The following C1orf159 variants were observed in gnomAD, a reference collection of about 807,000 sequenced individuals.
C1orf159 encodes chromosome 1 open reading frame 159, also known as uncharacterized protein C1orf159.
C1orf159 carries 19 observed loss-of-function variants against 25.6 expected under a neutral mutation model. The observed-to-expected ratio is 0.74, with a 90% CI of 0.52 to 1.09. The LOEUF (loss-of-function observed/expected upper bound fraction) is 1.09, where lower values mean the gene tolerates loss of function less well. Ranked by LOEUF, C1orf159 falls within the 50% of genes least tolerant of loss-of-function variation. The pLI is 0.00. For synonymous variants in C1orf159, 139 were observed against 124.7 expected, an observed-to-expected ratio of 1.12 and a Z score of -0.77; for missense variants, 274 against 290.6, an observed-to-expected ratio of 0.94 and a Z score of 0.42.
intron 1 of C1orf159, among the ~76,000 whole-genome samples, chr1:1,100,433 C>T (rs1224853553): frequency 6.6e-6 from 1 of 152,072 alleles, no homozygotes; most frequent in Non-Finnish European, 1.5e-5. Context: ...CCGCTGTGCC[C>T]ACCCAGGCAC....
intron 1 of C1orf159, among the ~76,000 whole-genome samples, chr1:1,111,711 G>A (rs1353153338): frequency 6.6e-6 from 1 of 152,226 alleles, no homozygotes; most frequent in Non-Finnish European, 1.5e-5. Flanking sequence ...AACTGAAAAG[G>A]GGAGGCGGGA....
intron 9 of C1orf159, chr1:1,083,837 C>G: frequency 7.4e-7 from 1 of 1,350,150 alleles, no homozygotes; most frequent in East Asian, 2.5e-5. Context: ...GAGCCCTGCT[C>G]ATGGCCTTGG....
rs372568420 is a variant in C1orf159, at chr1:1,085,854, G to A, written c.445+24C>T. On this transcript the variant is annotated intron_variant, in intron 7 of 9. Coordinates refer to ENST00000421241, the MANE Select transcript of C1orf159 (RefSeq NM_017891.5). ...CCGCCTGCCCTGTGCCCTCCCGTGGGGCAGGTGCTGGTCCGGGAGATACCT... is the reference window on the plus strand; with the variant it reads ...CCGCCTGCCCTGTGCCCTCCCGTGGAGCAGGTGCTGGTCCGGGAGATACCT... 11 of 1,612,168 alleles carry A rather than the reference G, an allele frequency of 6.8e-6. No homozygotes were observed. The East Asian group carries it at 1.6e-4, about 23-fold the overall frequency.
intron 1 of C1orf159, chr1:1,092,865 TG>T (rs1376597900): frequency 6.6e-6 from 1 of 152,248 alleles, no homozygotes; most frequent in Non-Finnish European, 1.5e-5. Flanking sequence ...GAGACCCACC[TG>T]GGCAACACAG....
intron 1 of C1orf159, among the ~76,000 whole-genome samples, chr1:1,103,808 C>T (rs905166750): frequency 4.6e-5 from 7 of 152,120 alleles, no homozygotes; most frequent in African/African-American, 7.2e-5. Flanking sequence ...CCTCTCACCC[C>T]GGCCTCCTGA....
intron 3 of C1orf159, 76 bp from the exon 4 acceptor site, chr1:1,090,504 G>A (rs552533735): frequency 1.5e-5 from 21 of 1,420,146 alleles, no homozygotes; most frequent in Middle Eastern, 1.8e-4. Flanking sequence ...AGCGGCTGAG[G>A]GGTGCCGTGG....
At chr1:1,084,457 G>T in intron 8 of C1orf159, 24 bp downstream of exon 8, 2 of 1,570,940 alleles carry the variant, frequency 1.3e-6, no homozygotes, top group Non-Finnish European at 1.7e-6. Context: ...GGGACGCTCA[G>T]CCCGGATGAT....
At chr1:1,101,562 T>G (rs1450629293) in intron 1 of C1orf159, among the ~76,000 whole-genome samples, 1 of 152,160 alleles carries the variant, frequency 6.6e-6, no homozygotes, top group East Asian at 1.9e-4. Flanking sequence ...GCTCATGGTC[T>G]ATCGGCTCAG....
Position 1,108,454 on chromosome 1 carries a change from G to A in C1orf159, c.-136+7606C>T, listed in dbSNP as rs1370347571. Among the ~76,000 whole-genome samples, 5 of 91,782 alleles carry A rather than the reference G, an allele frequency of 5.4e-5. 1 individual carries two copies. The highest frequency in any genetic ancestry group is 3.7e-4 in the East Asian group (1 of 2,682). 60.2% of individuals were successfully genotyped at this position (91,782 alleles called of 152,430 possible). ...ACCACAGCCACCATGTCTCGACACC[G>A]TTCACCACAGCCACCATGTCTCAGC... On this transcript the variant is annotated intron_variant, in intron 1 of 9. Transcript: ENST00000421241.
Position 1,089,838 on chromosome 1 carries a change from C to T in C1orf159, c.148+515G>A, listed in dbSNP as rs1352272988. Among the ~76,000 whole-genome samples, 1 of 152,202 alleles carries T rather than the reference C, an allele frequency of 6.6e-6. No homozygotes were observed. Among genetic ancestry groups the T allele is most frequent in the Non-Finnish European group, 1.5e-5 (1 of 68,028 alleles). On this transcript the variant is annotated intron_variant, in intron 4 of 9. Coordinates refer to ENST00000421241, the MANE Select transcript of C1orf159 (RefSeq NM_017891.5). The surrounding 1 kb of genome is among the most constrained non-coding windows in gnomAD (Gnocchi z 7.5). ...TCAACCTCCTGACACCCAGCTGCCC[C>T]CAGACAGTCCCTTCCGCAGCCTCCC...
chr1:1,107,413 C>A (rs1337823053), intron 1 of C1orf159, among the ~76,000 whole-genome samples: 1 of 152,140 alleles, frequency 6.6e-6, no homozygotes, highest in Non-Finnish European at 1.5e-5. Context: ...AATCAGCACT[C>A]TGTGTCTAGC....
intron 9 of C1orf159, chr1:1,084,128 G>T (rs781502761): frequency 1.9e-6 from 3 of 1,563,628 alleles, no homozygotes; most frequent in Non-Finnish European, 8.7e-7. Context: ...GGGATTAAAG[G>T]GGGGCGGGCA....
At chr1:1,102,071 C>CAAAAAAAAAAAAAAAAAAAAAAA (rs1237729417) in intron 1 of C1orf159, among the ~76,000 whole-genome samples, 1 of 39,968 alleles carries the variant, frequency 2.5e-5, no homozygotes. Context: ...AACTCTGTCT[C>CAAAAAAAAAAAAAAAAAAAAAAA]AAAAAAAAAA....
chr1:1,088,200 A>C (rs1023996347), intron 4 of C1orf159, among the ~76,000 whole-genome samples: 254 of 15,528 alleles, frequency 0.016, no homozygotes, highest in Admixed American at 0.023. Flanking sequence ...CTCCCCCAGG[A>C]CCCCCCCCCC....
chr1:1,096,255 G>A (rs1010516271), intron 1 of C1orf159, among the ~76,000 whole-genome samples: 3 of 152,150 alleles, frequency 2.0e-5, no homozygotes, highest in Non-Finnish European at 4.4e-5. Flanking sequence ...GTGTAGTGGT[G>A]CGATCATGGC....
intron 1 of C1orf159, among the ~76,000 whole-genome samples, chr1:1,103,566 T>G (rs1646131555): frequency 1.3e-5 from 2 of 152,188 alleles, no homozygotes; most frequent in African/African-American, 2.4e-5. Context: ...TGGCACAGGG[T>G]GCACGCAGGG....
At chr1:1,098,018 T>G (rs950945866) in intron 1 of C1orf159, among the ~76,000 whole-genome samples, 15 of 152,196 alleles carry the variant, frequency 9.9e-5, no homozygotes, top group African/African-American at 3.4e-4. Flanking sequence ...ATTTTCATTA[T>G]TATTCAGTTG....
chr1:1,106,209 C>G (rs530501989), intron 1 of C1orf159: 3 of 152,284 alleles, frequency 2.0e-5, no homozygotes, highest in East Asian at 3.9e-4. Context: ...GACTCCAACC[C>G]AAACACTCTA....
In C1orf159 at chr1:1,082,628, C is replaced by T; in HGVS notation, c.*265G>A. 2.0e-6 allele frequency: 1 copy of T among 504,254 alleles called. No homozygotes were observed. The highest frequency in any genetic ancestry group is 3.6e-6 in the Non-Finnish European group (1 of 279,486). 31.2% of individuals were successfully genotyped at this position (504,254 alleles called of 1,614,324 possible). On this transcript the variant is annotated 3_prime_UTR_variant, in exon 10 of 10. Coordinates refer to ENST00000421241, the MANE Select transcript of C1orf159 (RefSeq NM_017891.5). Reference sequence around the variant, plus strand: ...CCGTGTTTCCTGGGGGGGCCCGGACCCCCCAAGGCCTCGATCTGAAGCTCT... The same window carrying T: ...CCGTGTTTCCTGGGGGGGCCCGGACTCCCCAAGGCCTCGATCTGAAGCTCT...
Sources: gnomAD v4.1 joint callset for allele counts (sites outside exome capture counted in the v4.1 genomes callset) on GRCh38, gnomAD v4.1.1 for gene constraint, Gnocchi (gnomAD v3.1) non-coding constraint, MANE v1.5 for transcripts, NCBI Gene and HGNC (gene_info 2026-07-23, HGNC 2026-07-21) for gene names.